Variants in THOP1 observed in about 807,000 individuals in gnomAD.
THOP1 encodes thimet oligopeptidase.
A neutral mutation model predicts 71.8 loss-of-function variants in THOP1; 49 were observed. The ratio of observed to expected loss-of-function variants is 0.68; its 90% CI spans 0.54 to 0.87. THOP1 has a LOEUF of 0.87. Ranked by LOEUF, THOP1 falls within the 40% of genes least tolerant of loss-of-function variation. The probability of loss-of-function intolerance (pLI) is 0.00; values close to 1 mark genes in which losing one functional copy is unlikely to be tolerated. For missense variants in THOP1, 843 were observed against 975.6 expected, an observed-to-expected ratio of 0.86 and a Z score of 1.81; for synonymous variants, 426 against 421.5, an observed-to-expected ratio of 1.01 and a Z score of -0.13.
chr19:2,797,970 TG>T (rs1409518094), intron 4 of THOP1, among the ~76,000 whole-genome samples: 13 of 152,196 alleles, frequency 8.5e-5, no homozygotes, highest in African/African-American at 2.9e-4. Context: ...ACTCGGGGAC[TG>T]GGGGTCCTCA....
intron 4 of THOP1, among the ~76,000 whole-genome samples, chr19:2,798,543 C>T (rs1457076085): frequency 6.6e-6 from 1 of 152,228 alleles, no homozygotes; most frequent in Non-Finnish European, 1.5e-5. Flanking sequence ...GCGCTGTGTG[C>T]TCATTGAGTC....
At position 2,805,428 on chromosome 19, in the gene THOP1, G is replaced by A. The variant is rs1038379904; in HGVS notation, c.750+252G>A. ...TCATCCTTCCCAAGCTGAGCCTCCTGCTGCTGCTCTGAGCATCTGGCCGCG... is the reference window on the plus strand; with the variant it reads ...TCATCCTTCCCAAGCTGAGCCTCCTACTGCTGCTCTGAGCATCTGGCCGCG... On this transcript the variant is annotated intron_variant, in intron 6 of 12. Transcript: ENST00000307741. The surrounding 1 kb of genome is among the most constrained non-coding windows in gnomAD (Gnocchi z 6.6). 2.0e-5 allele frequency among the ~76,000 whole-genome samples: 3 copies of A among 152,202 alleles called. No homozygotes were observed. The highest frequency in any genetic ancestry group is 4.4e-5 in the Non-Finnish European group (3 of 68,032).
At chr19:2,807,074 A>G (rs1291905902) in intron 7 of THOP1, 22 bp downstream of exon 7, 3 of 1,598,470 alleles carry the variant, frequency 1.9e-6, no homozygotes, top group Non-Finnish European at 2.6e-6. Flanking sequence ...TTCCTCCTCC[A>G]CTGGGGTCCC....
At chr19:2,812,092 G>A (rs892841168) in intron 12 of THOP1, 36 of 1,336,384 alleles carry the variant, frequency 2.7e-5, no homozygotes, top group East Asian at 1.3e-4. Flanking sequence ...CTTCCCATAC[G>A]AGTCCTTCCG....
intron 12 of THOP1, chr19:2,812,428 G>A: frequency 7.0e-7 from 1 of 1,423,742 alleles, no homozygotes; most frequent in Non-Finnish European, 9.2e-7. Context: ...AGGTGCAGAG[G>A]CCAGGACCTG....
intron 1 of THOP1, among the ~76,000 whole-genome samples, chr19:2,789,558 C>G (rs967704361): frequency 6.6e-6 from 1 of 152,190 alleles, no homozygotes; most frequent in Non-Finnish European, 1.5e-5. Flanking sequence ...TTGTTCCCCC[C>G]ACTGGGTGTG....
chr19:2,800,945 G>A (rs1002897359), intron 5 of THOP1, among the ~76,000 whole-genome samples: 1 of 152,058 alleles, frequency 6.6e-6, no homozygotes, highest in Non-Finnish European at 1.5e-5. Context: ...GGTGCCTGAT[G>A]TTCTAGAAGC....
intron 6 of THOP1, chr19:2,806,579 G>A: frequency 5.7e-6 from 2 of 351,104 alleles, no homozygotes; most frequent in South Asian, 7.0e-5. Context: ...GATAGGCAGA[G>A]CCCGTGAGAC....
intron 3 of THOP1, 67 bp downstream of exon 3, chr19:2,794,979 A>G (rs1053673577): frequency 9.3e-5 from 145 of 1,554,660 alleles, no homozygotes; most frequent in Non-Finnish European, 1.2e-4. Context: ...GCCCGCCACC[A>G]CACCCGGCTA....
intron 4 of THOP1, among the ~76,000 whole-genome samples, chr19:2,797,216 T>C (rs1916037425): frequency 6.6e-6 from 1 of 152,172 alleles, no homozygotes; most frequent in African/African-American, 2.4e-5. Flanking sequence ...ATCGGGTGCC[T>C]GGCCCTAGGG....
chr19:2,806,807 G>A, intron 6 of THOP1, 110 bp from the exon 7 acceptor site: 1 of 1,566,104 alleles, frequency 6.4e-7, no homozygotes, highest in Non-Finnish European at 8.6e-7. Context: ...GCAGGGACCG[G>A]AGGTCAGACG....
At chr19:2,796,231 G>T (rs745672196) in intron 4 of THOP1, 43 bp downstream of exon 4, 3 of 1,489,452 alleles carry the variant, frequency 2.0e-6, no homozygotes, top group South Asian at 1.2e-5. Context: ...GGCAATGGTC[G>T]ATCCCGGGGA....
At chr19:2,788,122 T>C (rs1310482388) in intron 1 of THOP1, among the ~76,000 whole-genome samples, 1 of 152,236 alleles carries the variant, frequency 6.6e-6, no homozygotes, top group African/African-American at 2.4e-5. Flanking sequence ...TTTCTGGTGG[T>C]ATTCAGGATA....
At chr19:2,808,219 G>T (rs961865444) in intron 8 of THOP1, 24 bp from the exon 9 acceptor site, 12 of 1,545,070 alleles carry the variant, frequency 7.8e-6, no homozygotes, top group African/African-American at 1.4e-5. Flanking sequence ...TCCCTGCGGG[G>T]CCTGACGCTG....
At chr19:2,811,020 A>G (rs1423464911) in intron 11 of THOP1, among the ~76,000 whole-genome samples, 1 of 152,196 alleles carries the variant, frequency 6.6e-6, no homozygotes, top group Non-Finnish European at 1.5e-5. Context: ...CTTTGAATGA[A>G]GCTGGCGTTT....
chr19:2,790,352 C>G (rs775159247), intron 1 of THOP1, 69 bp from the exon 2 acceptor site: 1 of 1,400,448 alleles, frequency 7.1e-7, no homozygotes, highest in Non-Finnish European at 9.5e-7. Context: ...TTTCCCTCTG[C>G]CCTCCTGACT....
intron 3 of THOP1, 23 bp downstream of exon 3, chr19:2,794,935 G>A: frequency 1.3e-6 from 2 of 1,591,156 alleles, no homozygotes; most frequent in Non-Finnish European, 1.7e-6. Flanking sequence ...TGCGGGGAGT[G>A]CAAATAGCCT....
At position 2,799,766 on chromosome 19, in the gene THOP1, C is replaced by T; in HGVS notation, c.564C>T (p.Phe188=). The T allele has an allele frequency of 6.2e-7, 1 of 1,613,942 alleles. No homozygotes were observed. The highest frequency in any genetic ancestry group is 1.1e-5 in the South Asian group (1 of 91,088). The change falls in exon 5 of 13, where the codon TTC becomes TTT. Residue 188 remains phenylalanine (F), a synonymous_variant. Coordinates refer to ENST00000307741, the MANE Select transcript of THOP1 (RefSeq NM_003249.5). Reference sequence around the variant, plus strand: ...AGAACCTGAACGAGGACACGACCTTCCTGCCCTTCACGCTCCAGGAGCTAG... The same window carrying T: ...AGAACCTGAACGAGGACACGACCTTTCTGCCCTTCACGCTCCAGGAGCTAG... ...FNKNLNEDTT[F]LPFTLQELGG... is the part of the protein sequence containing the mutation.
At position 2,804,300 on chromosome 19, in the gene THOP1, T is replaced by C. The variant is rs983517490; in HGVS notation, c.590-716T>C. Among the ~76,000 whole-genome samples, 10 of 151,802 alleles carry C rather than the reference T, an allele frequency of 6.6e-5. No homozygotes were observed. Among genetic ancestry groups the C allele is most frequent in the African/African-American group, 2.4e-4 (10 of 41,284 alleles). ...AGGGTGTGGCTGCCGGGCAGCGGGG[T>C]GAACTGTGTCCTGCCAGGGGTTTTG... On this transcript the variant is annotated intron_variant, in intron 5 of 12. Transcript: ENST00000307741. The surrounding 1 kb of genome is among the most constrained non-coding windows in gnomAD (Gnocchi z 4.7).
Sources: gnomAD v4.1 joint callset for allele counts (sites outside exome capture counted in the v4.1 genomes callset) on GRCh38, gnomAD v4.1.1 for gene constraint, Gnocchi (gnomAD v3.1) non-coding constraint, MANE v1.5 for transcripts, NCBI Gene and HGNC (gene_info 2026-07-23, HGNC 2026-07-21) for gene names.